CHN1: variants seen among roughly 807,000 people sequenced by gnomAD.
The protein encoded by CHN1 is chimerin 1, also known as N-chimaerin.
Under a neutral mutation model 59.5 loss-of-function variants are expected in CHN1, and 37 were observed. The observed-to-expected ratio is 0.62, with a 90% CI of 0.48 to 0.82. CHN1 has a LOEUF of 0.82. Among genes scored for constraint, CHN1 ranks in the 40% least tolerant of loss-of-function variants. The pLI is 0.00. For missense variants in CHN1, 469 were observed against 571.0 expected (o/e 0.82, Z 1.82); for synonymous variants, 206 against 200.4 (o/e 1.03, Z -0.24).
intron 7 of CHN1, among the ~76,000 whole-genome samples, chr2:174,839,424 G>A (rs1686209936): frequency 6.6e-6 from 1 of 152,164 alleles, no homozygotes; most frequent in Admixed American, 6.5e-5. Context: ...GTCAGTCACA[G>A]AAGGACAAAT....
intron 6 of CHN1, chr2:174,847,444 T>C: frequency 8.4e-7 from 1 of 1,196,974 alleles, no homozygotes; most frequent in South Asian, 2.6e-5. Context: ...TCTCTCTTTA[T>C]CATTTTTTAA....
chr2:174,988,407 T>C (rs367668759), intron 1 of CHN1, among the ~76,000 whole-genome samples: 7 of 152,156 alleles, frequency 4.6e-5, no homozygotes, highest in African/African-American at 1.4e-4. Context: ...GGTGAACATT[T>C]TGGCCAAGTC....
chr2:174,821,313 C>T (rs1685488120), intron 8 of CHN1, among the ~76,000 whole-genome samples: 1 of 152,180 alleles, frequency 6.6e-6, no homozygotes, highest in Non-Finnish European at 1.5e-5. Context: ...CCTCTGTCTT[C>T]AAAGCCAGCA....
At chr2:174,946,207 G>A (rs1558992731) in intron 2 of CHN1, among the ~76,000 whole-genome samples, 1 of 152,124 alleles carries the variant, frequency 6.6e-6, no homozygotes, top group Non-Finnish European at 1.5e-5. Context: ...AATAATTTAT[G>A]TGAAAGATGT....
intron 5 of CHN1, among the ~76,000 whole-genome samples, chr2:174,898,101 C>G (rs968630863): frequency 2.0e-5 from 3 of 152,210 alleles, no homozygotes; most frequent in African/African-American, 7.2e-5. Flanking sequence ...GGTATCTTCA[C>G]CCCTCTGCCG....
At position 174,862,336 on chromosome 2, in the gene CHN1, CTTT is replaced by C. The variant is rs1271683275; in HGVS notation, c.550-15382_550-15380del. On this transcript the variant is annotated intron_variant, in intron 6 of 12. Transcript: ENST00000409900. Reference sequence around the variant, plus strand: ...AATACATTACGTTATACCAACGATACTTTTTTTTTTTTTTTGAGACGGAGTCTT... The same window carrying C: ...AATACATTACGTTATACCAACGATACTTTTTTTTTTTTGAGACGGAGTCTT... Among the ~76,000 whole-genome samples the C allele has an allele frequency of 3.6e-4, 51 of 141,256 alleles. No individual in the cohort carries two copies. The South Asian group carries it at 0.011, about 31-fold the overall frequency. 92.7% of individuals were successfully genotyped at this position (141,256 alleles called of 152,430 possible). A position where few individuals can be genotyped will look rare whatever the true frequency, so the allele number is the denominator to read the frequency against.
chr2:174,998,540 GGTCAGA>G (rs1343482109), intron 1 of CHN1, among the ~76,000 whole-genome samples: 3 of 152,148 alleles, frequency 2.0e-5, no homozygotes, highest in Admixed American at 2.0e-4. Flanking sequence ...GGAATCGAAA[GGTCAGA>G]GTCAGAGTGG....
intron 11 of CHN1, among the ~76,000 whole-genome samples, chr2:174,806,561 G>A (rs1684891171): frequency 6.6e-6 from 1 of 152,168 alleles, no homozygotes; most frequent in South Asian, 2.1e-4. Flanking sequence ...GAGCCAGGCA[G>A]TGTGACAGAG....
chr2:174,956,081 G>A (rs936666474), intron 1 of CHN1, among the ~76,000 whole-genome samples: 4 of 152,062 alleles, frequency 2.6e-5, no homozygotes, highest in Non-Finnish European at 2.9e-5. Context: ...AGACATAGAG[G>A]AAATCTTGGA....
At chr2:174,932,783 G>C (rs916568556) in intron 3 of CHN1, among the ~76,000 whole-genome samples, 5 of 152,190 alleles carry the variant, frequency 3.3e-5, no homozygotes, top group Admixed American at 3.3e-4. Flanking sequence ...GCCATGTGAA[G>C]ATGCCTGCTC....
intron 2 of CHN1, among the ~76,000 whole-genome samples, chr2:174,947,935 CT>C (rs1361342675): frequency 1.3e-5 from 2 of 152,148 alleles, no homozygotes; most frequent in African/African-American, 4.8e-5. Context: ...TGGAACTCAG[CT>C]GAATTTAAAT....
intron 7 of CHN1, among the ~76,000 whole-genome samples, chr2:174,846,630 G>C (rs968855818): frequency 5.3e-5 from 8 of 152,116 alleles, no homozygotes; most frequent in African/African-American, 1.7e-4. Flanking sequence ...TATCAGTCAA[G>C]ACTTTTACCA....
chr2:174,935,100 C>A (rs1300369806), intron 3 of CHN1, among the ~76,000 whole-genome samples: 1 of 152,164 alleles, frequency 6.6e-6, no homozygotes, highest in South Asian at 2.1e-4. Flanking sequence ...TTACTAATGC[C>A]TGGTTAGCTT....
chr2:174,933,356 A>G (rs956623581), intron 3 of CHN1, among the ~76,000 whole-genome samples: 3 of 152,324 alleles, frequency 2.0e-5, no homozygotes, highest in Middle Eastern at 3.4e-3. Flanking sequence ...AAGCAGCACC[A>G]GAGAAATAGA....
At chr2:174,828,429 G>A (rs1034326272) in intron 7 of CHN1, among the ~76,000 whole-genome samples, 1 of 152,170 alleles carries the variant, frequency 6.6e-6, no homozygotes, top group African/African-American at 2.4e-5. Flanking sequence ...CATTATCGGT[G>A]ATGTTTACGT....
intron 5 of CHN1, among the ~76,000 whole-genome samples, chr2:174,882,136 A>C (rs923880359): frequency 6.6e-6 from 1 of 152,198 alleles, no homozygotes; most frequent in African/African-American, 2.4e-5. Context: ...GAAGCTGCAT[A>C]GGCCCAACTC....
At chr2:174,852,954 A>G (rs1016038252) in intron 6 of CHN1, among the ~76,000 whole-genome samples, 1 of 152,178 alleles carries the variant, frequency 6.6e-6, no homozygotes, top group Non-Finnish European at 1.5e-5. Context: ...AAAACTTAAC[A>G]TGGATTAAAG....
intron 8 of CHN1, among the ~76,000 whole-genome samples, chr2:174,817,772 G>A (rs1404149071): frequency 6.6e-6 from 1 of 151,944 alleles, no homozygotes; most frequent in African/African-American, 2.4e-5. Context: ...CGAGTTGCTG[G>A]GACTACAGGC....
intron 6 of CHN1, among the ~76,000 whole-genome samples, chr2:174,857,404 A>C (rs997431627): frequency 1.7e-4 from 26 of 152,116 alleles, no homozygotes; most frequent in African/African-American, 6.0e-4. Context: ...TTAATTCATA[A>C]GATACAGTCT....
Sources: allele counts gnomAD v4.1 joint callset (sites outside exome capture counted in the v4.1 genomes callset), GRCh38; gene constraint gnomAD v4.1.1; transcripts MANE v1.5; gene names NCBI Gene and HGNC (gene_info 2026-07-23, HGNC 2026-07-21).